Variants in SLC10A7 observed in about 807,000 individuals in gnomAD.
The protein encoded by SLC10A7 is solute carrier family 10 member 7, also known as sodium/bile acid cotransporter 7.
A neutral mutation model predicts 43.2 loss-of-function variants in SLC10A7; 29 were observed. The ratio of observed to expected loss-of-function variants is 0.67; its 90% CI spans 0.50 to 0.92. SLC10A7 has a LOEUF of 0.92. Ranked by LOEUF, SLC10A7 falls within the 40% of genes least tolerant of loss-of-function variation. SLC10A7 has a pLI of 0.00. For missense variants in SLC10A7, 295 were observed against 403.2 expected, an observed-to-expected ratio of 0.73 and a Z score of 2.30; for synonymous variants, 152 against 144.8, an observed-to-expected ratio of 1.05 and a Z score of -0.35.
At chr4:146,392,686 C>T (rs1183363261) in intron 5 of SLC10A7, among the ~76,000 whole-genome samples, 2 of 152,114 alleles carry the variant, frequency 1.3e-5, no homozygotes, top group African/African-American at 4.8e-5. Flanking sequence ...AGAGATGAGC[C>T]AGACCCCTCA....
chr4:146,469,119 G>C (rs889681663), intron 4 of SLC10A7, among the ~76,000 whole-genome samples: 1 of 152,142 alleles, frequency 6.6e-6, no homozygotes, highest in African/African-American at 2.4e-5. Context: ...ATGGCTTCTA[G>C]GAGGGTACGA....
chr4:146,512,010 G>T (rs1021768126), intron 2 of SLC10A7, among the ~76,000 whole-genome samples: 13 of 80,240 alleles, frequency 1.6e-4, no homozygotes, highest in African/African-American at 5.6e-4. Flanking sequence ...TTTTGCTCTT[G>T]TCATCCAGGC....
At chr4:146,388,756 C>CA (rs1463506912) in intron 5 of SLC10A7, among the ~76,000 whole-genome samples, 28 of 92,320 alleles carry the variant, frequency 3.0e-4, no homozygotes, top group African/African-American at 1.1e-3. Flanking sequence ...GAGACTCTGT[C>CA]AAAAAACAAC....
At chr4:146,340,316 C>G (rs1734172069) in intron 5 of SLC10A7, among the ~76,000 whole-genome samples, 1 of 151,698 alleles carries the variant, frequency 6.6e-6, no homozygotes, top group Non-Finnish European at 1.5e-5. Context: ...GGTCAATGGA[C>G]TTTTTTTGGT....
chr4:146,293,870 G>T (rs1037809618), intron 8 of SLC10A7, 60 bp downstream of exon 8: 1 of 1,203,422 alleles, frequency 8.3e-7, no homozygotes, highest in Non-Finnish European at 1.2e-6. Flanking sequence ...AACACACAGT[G>T]CTACGCGTTG....
At chr4:146,291,416 T>A (rs966226329) in intron 9 of SLC10A7, among the ~76,000 whole-genome samples, 1 of 152,174 alleles carries the variant, frequency 6.6e-6, no homozygotes, top group African/African-American at 2.4e-5. Context: ...ATCAGCCTAG[T>A]GCTACACCAA....
chr4:146,521,461 G>A (rs1560994550), intron 1 of SLC10A7, among the ~76,000 whole-genome samples, 157 bp downstream of exon 1: 1 of 152,188 alleles, frequency 6.6e-6, no homozygotes, highest in Non-Finnish European at 1.5e-5. Context: ...TCCCTCTGGG[G>A]TTGGTAAATT....
At chr4:146,348,782 T>G (rs1187818600) in intron 5 of SLC10A7, among the ~76,000 whole-genome samples, 2 of 152,192 alleles carry the variant, frequency 1.3e-5, no homozygotes, top group Admixed American at 1.3e-4. Flanking sequence ...TTACTTGACA[T>G]GTAAATATTG....
At chr4:146,277,567 T>A (rs1729286327) in intron 10 of SLC10A7, among the ~76,000 whole-genome samples, 1 of 152,192 alleles carries the variant, frequency 6.6e-6, no homozygotes, top group Non-Finnish European at 1.5e-5. Context: ...TTTAGCAGCA[T>A]CTTTAAGAAT....
chr4:146,411,845 A>T (rs1258123635), intron 5 of SLC10A7, among the ~76,000 whole-genome samples: 1 of 152,174 alleles, frequency 6.6e-6, no homozygotes, highest in Non-Finnish European at 1.5e-5. Context: ...TTGCTGGAAT[A>T]AAACTTACAT....
intron 3 of SLC10A7, among the ~76,000 whole-genome samples, chr4:146,506,909 T>C (rs1045290905): frequency 6.6e-5 from 10 of 152,234 alleles, no homozygotes; most frequent in Admixed American, 1.3e-4. Flanking sequence ...AAACTAAGCA[T>C]GTCTAATATT....
At chr4:146,497,898 C>A (rs1736034764) in intron 4 of SLC10A7, among the ~76,000 whole-genome samples, 1 of 151,596 alleles carries the variant, frequency 6.6e-6, no homozygotes, top group African/African-American at 2.4e-5. Flanking sequence ...AGGTTTAAAA[C>A]CTTTGTAAGG....
chr4:146,278,122 G>A (rs1729323500), intron 10 of SLC10A7, among the ~76,000 whole-genome samples: 1 of 152,070 alleles, frequency 6.6e-6, no homozygotes, highest in African/African-American at 2.4e-5. Context: ...TGGAAGTTAG[G>A]AGGCCTGGAA....
intron 11 of SLC10A7, among the ~76,000 whole-genome samples, chr4:146,258,198 A>G (rs972845388): frequency 6.6e-6 from 1 of 152,218 alleles, no homozygotes; most frequent in Admixed American, 6.5e-5. Flanking sequence ...AGCTACTTAA[A>G]GTTTATTTTT....
Position 146,292,893 on chromosome 4 carries a change from T to G in SLC10A7, c.773+36A>C, listed in dbSNP as rs1328131061. On this transcript the variant is annotated intron_variant, in intron 9 of 11. Transcript: ENST00000335472. ...CAAGTAGACCGCATGATTCCTAATT[T>G]AGAAAACTAATAACAAGAGATACCA... 2 of 1,461,498 alleles carry G rather than the reference T, an allele frequency of 1.4e-6. 1 individual carries two copies. 90.5% of individuals were successfully genotyped at this position (1,461,498 alleles called of 1,614,324 possible).
intron 5 of SLC10A7, among the ~76,000 whole-genome samples, chr4:146,356,049 AAAAT>A (rs1285734063): frequency 4.6e-4 from 56 of 120,438 alleles, no homozygotes; most frequent in South Asian, 4.4e-3. Flanking sequence ...TAAAAAAAAA[AAAAT>A]ATATATATAT....
chr4:146,439,695 T>C (rs1730454788), intron 5 of SLC10A7, among the ~76,000 whole-genome samples: 1 of 152,134 alleles, frequency 6.6e-6, no homozygotes, highest in South Asian at 2.1e-4. Flanking sequence ...GTCTACAGTT[T>C]AGGCGCTATC....
chr4:146,361,462 C>T (rs963888181), intron 5 of SLC10A7, among the ~76,000 whole-genome samples: 9 of 152,064 alleles, frequency 5.9e-5, no homozygotes, highest in Admixed American at 1.3e-4. Context: ...CCCTTATTTC[C>T]ACAAGTCTGC....
At chr4:146,385,999 T>C (rs988822252) in intron 5 of SLC10A7, among the ~76,000 whole-genome samples, 1 of 152,210 alleles carries the variant, frequency 6.6e-6, no homozygotes, top group Admixed American at 6.5e-5. Context: ...GGTACCTAAG[T>C]TGATTCCATG....
Sources: allele counts gnomAD v4.1 joint callset (sites outside exome capture counted in the v4.1 genomes callset), GRCh38; gene constraint gnomAD v4.1.1; transcripts MANE v1.5; gene names NCBI Gene and HGNC (gene_info 2026-07-23, HGNC 2026-07-21).